The following STXBP5L variants were observed in gnomAD, a reference collection of about 807,000 sequenced individuals.
The protein encoded by STXBP5L is syntaxin-binding protein 5-like.
Under a neutral mutation model 144.5 loss-of-function variants are expected in STXBP5L, and 65 were observed. That is an observed-to-expected ratio of 0.45 (90% confidence interval 0.37 to 0.55). The LOEUF is 0.55. Ranked by LOEUF, STXBP5L falls within the 20% of genes least tolerant of loss-of-function variation. The probability of loss-of-function intolerance (pLI) is 0.00; values close to 1 mark genes in which losing one functional copy is unlikely to be tolerated. For synonymous variants in STXBP5L, 505 were observed against 469.6 expected, an observed-to-expected ratio of 1.08 and a Z score of -0.97; for missense variants, 1,298 against 1,405.5, an observed-to-expected ratio of 0.92 and a Z score of 1.22.
At chr3:120,998,416 G>T (rs991992606) in intron 3 of STXBP5L, among the ~76,000 whole-genome samples, 2 of 151,934 alleles carry the variant, frequency 1.3e-5, no homozygotes, top group African/African-American at 4.8e-5. Context: ...AAATTTTGGG[G>T]TACATGTGCA....
At chr3:120,984,074 C>T (rs1458691641) in intron 3 of STXBP5L, among the ~76,000 whole-genome samples, 1 of 152,168 alleles carries the variant, frequency 6.6e-6, no homozygotes, top group Non-Finnish European at 1.5e-5. Context: ...GATTCAGCCA[C>T]TCCACTCTCA....
At chr3:121,058,688 T>C (rs1021975049) in intron 5 of STXBP5L, among the ~76,000 whole-genome samples, 1 of 152,258 alleles carries the variant, frequency 6.6e-6, no homozygotes, top group Non-Finnish European at 1.5e-5. Flanking sequence ...TGAGATGGTA[T>C]CTCATTGTGG....
chr3:120,976,260 G>T (rs1201935403), intron 3 of STXBP5L, among the ~76,000 whole-genome samples: 1 of 152,054 alleles, frequency 6.6e-6, no homozygotes, highest in African/African-American at 2.4e-5. Context: ...ACTTCTTCCT[G>T]GTTTAGTCTT....
intron 23 of STXBP5L, among the ~76,000 whole-genome samples, chr3:121,409,956 T>C (rs1478137354): frequency 6.6e-6 from 1 of 151,846 alleles, no homozygotes; most frequent in Non-Finnish European, 1.5e-5. Flanking sequence ...AGAGTGTTTT[T>C]TTTTTTAGAT....
intron 10 of STXBP5L, among the ~76,000 whole-genome samples, chr3:121,213,773 G>A (rs1217914751): frequency 6.6e-6 from 1 of 152,164 alleles, no homozygotes; most frequent in Admixed American, 6.5e-5. Context: ...GTTTGGAATA[G>A]TTTCAGAAGG....
At chr3:121,093,573 G>T (rs934166493) in intron 5 of STXBP5L, among the ~76,000 whole-genome samples, 3 of 152,190 alleles carry the variant, frequency 2.0e-5, no homozygotes, top group African/African-American at 7.2e-5. Flanking sequence ...GCTGTTTGTA[G>T]TATTCGCTGA....
chr3:121,220,980 T>C (rs1158654321), intron 10 of STXBP5L, among the ~76,000 whole-genome samples: 4 of 152,014 alleles, frequency 2.6e-5, no homozygotes, highest in African/African-American at 9.7e-5. Flanking sequence ...TATTTATTAC[T>C]AGAGGCAATA....
At chr3:120,974,980 G>C (rs896856858) in intron 3 of STXBP5L, among the ~76,000 whole-genome samples, 16 of 152,270 alleles carry the variant, frequency 1.1e-4, no homozygotes, top group Middle Eastern at 3.4e-3. Flanking sequence ...GTAGCGTGAT[G>C]CCTCCAGCTT....
intron 3 of STXBP5L, among the ~76,000 whole-genome samples, chr3:120,970,042 GA>G (rs1290557461): frequency 2.0e-5 from 3 of 151,988 alleles, no homozygotes; most frequent in Admixed American, 6.6e-5. Flanking sequence ...ATTGCATAGA[GA>G]AGAAAAGTAT....
At chr3:121,366,809 T>A (rs1408963010) in intron 20 of STXBP5L, among the ~76,000 whole-genome samples, 1 of 149,542 alleles carries the variant, frequency 6.7e-6, no homozygotes, top group African/African-American at 2.5e-5. Context: ...TATAGCTTTT[T>A]TGTACTCCAT....
At chr3:121,305,140 C>T (rs2043293743) in intron 19 of STXBP5L, among the ~76,000 whole-genome samples, 1 of 152,080 alleles carries the variant, frequency 6.6e-6, no homozygotes, top group African/African-American at 2.4e-5. Flanking sequence ...ATATAAGTAA[C>T]CCATATCATT....
At chr3:121,243,248 G>A (rs1054508969) in intron 14 of STXBP5L, among the ~76,000 whole-genome samples, 1 of 152,098 alleles carries the variant, frequency 6.6e-6, no homozygotes, top group African/African-American at 2.4e-5. Flanking sequence ...TATTTCAGTG[G>A]CTTGTAGCAT....
intron 22 of STXBP5L, among the ~76,000 whole-genome samples, chr3:121,398,084 T>C (rs1007593366): frequency 2.0e-5 from 3 of 152,370 alleles, no homozygotes; most frequent in African/African-American, 7.2e-5. Flanking sequence ...TTTTACTTTT[T>C]CCGATTCCCA....
At chr3:121,041,884 A>G in intron 4 of STXBP5L, 103 bp downstream of exon 4, 2 of 718,456 alleles carry the variant, frequency 2.8e-6, no homozygotes, top group South Asian at 1.7e-5. Context: ...GCTTAAATAT[A>G]TATGCATGCA....
At position 121,328,870 on chromosome 3, in the gene STXBP5L, C is replaced by T. The variant is rs77707938; in HGVS notation, c.2176+10330C>T. 9.9e-5 allele frequency among the ~76,000 whole-genome samples: 15 copies of T among 152,172 alleles called. No homozygotes were observed. The East Asian group carries it at 2.9e-3, about 29-fold the overall frequency. On this transcript the variant is annotated intron_variant, in intron 20 of 26. Coordinates refer to ENST00000471454, the MANE Select transcript of STXBP5L (RefSeq NM_001308330.2). Reference sequence around the variant, plus strand: ...GGGAAAAAAATGCATCTAACCTCTCCTAATAGGGGCACTACTGTTCCTTGT... The same window carrying T: ...GGGAAAAAAATGCATCTAACCTCTCTTAATAGGGGCACTACTGTTCCTTGT...
At chr3:120,979,143 A>C (rs1031245024) in intron 3 of STXBP5L, among the ~76,000 whole-genome samples, 6 of 152,194 alleles carry the variant, frequency 3.9e-5, no homozygotes, top group Admixed American at 3.3e-4. Flanking sequence ...GTGCCTTGCC[A>C]CCAGAGGTGG....
At chr3:121,377,958 G>A (rs977596883) in intron 20 of STXBP5L, among the ~76,000 whole-genome samples, 1 of 152,160 alleles carries the variant, frequency 6.6e-6, no homozygotes, top group Non-Finnish European at 1.5e-5. Flanking sequence ...AAGAAATGTG[G>A]CACATATACA....
In STXBP5L at chr3:121,267,197, T is replaced by C. The variant is rs536314914; in HGVS notation, c.1958+8029T>C. ...TACAGTAACCAAAACAGCATAATAC[T>C]GGTACTAAAACAGATATATAGACCA... On this transcript the variant is annotated intron_variant, in intron 18 of 26. Transcript: ENST00000471454. Among the ~76,000 whole-genome samples, 5 of 152,328 alleles carry C rather than the reference T, an allele frequency of 3.3e-5. No homozygotes were observed. In the East Asian group the frequency reaches 9.6e-4, roughly 29 times the overall value.
intron 5 of STXBP5L, among the ~76,000 whole-genome samples, chr3:121,059,347 C>A (rs1486898774): frequency 6.6e-6 from 1 of 152,118 alleles, no homozygotes; most frequent in Non-Finnish European, 1.5e-5. Flanking sequence ...TGTTTTGTTA[C>A]CAGTACCATG....
Sources: allele counts gnomAD v4.1 joint callset (sites outside exome capture counted in the v4.1 genomes callset), GRCh38; gene constraint gnomAD v4.1.1; transcripts MANE v1.5; gene names NCBI Gene and HGNC (gene_info 2026-07-23, HGNC 2026-07-21).